Variants in FAT3 observed in about 807,000 individuals in gnomAD.
FAT3 encodes the protein FAT atypical cadherin 3.
FAT3 carries 95 observed loss-of-function variants against 310.2 expected under a neutral mutation model. The ratio of observed to expected loss-of-function variants is 0.31; its 90% CI spans 0.26 to 0.36. The LOEUF is 0.36. Among genes scored for constraint, FAT3 ranks in the 10% least tolerant of loss-of-function variants. FAT3 has a pLI of 1.00. For missense variants in FAT3, 5,408 were observed against 5,715.6 expected (o/e 0.95, Z 1.74); for synonymous variants, 2,314 against 2,192.9 (o/e 1.06, Z -1.54).
At chr11:92,650,020 G>A (rs1942318385) in intron 3 of FAT3, among the ~76,000 whole-genome samples, 1 of 151,324 alleles carries the variant, frequency 6.6e-6, no homozygotes, top group Non-Finnish European at 1.5e-5. Flanking sequence ...GCTAACCTTT[G>A]TATACGGTGA....
chr11:92,347,965 T>TA (rs561170749), intron 1 of FAT3, among the ~76,000 whole-genome samples: 108 of 152,058 alleles, frequency 7.1e-4, no homozygotes, highest in African/African-American at 2.5e-3. Flanking sequence ...ATATTATTTT[T>TA]AAAAAAAACT....
intron 3 of FAT3, among the ~76,000 whole-genome samples, chr11:92,628,418 C>T (rs1037868731): frequency 1.3e-5 from 2 of 152,190 alleles, no homozygotes; most frequent in Non-Finnish European, 2.9e-5. Context: ...TAATATCTTA[C>T]TCCATTCACA....
At chr11:92,570,007 C>G (rs573045107) in intron 3 of FAT3, among the ~76,000 whole-genome samples, 1 of 152,280 alleles carries the variant, frequency 6.6e-6, no homozygotes, top group Non-Finnish European at 1.5e-5. Context: ...TTGTCTCTGA[C>G]AGCAGGGTCT....
intron 4 of FAT3, among the ~76,000 whole-genome samples, chr11:92,709,661 A>G (rs1944461163): frequency 6.6e-6 from 1 of 152,242 alleles, no homozygotes; most frequent in South Asian, 2.1e-4. Context: ...CAGGTAATCC[A>G]TGCTTTGCAG....
intron 4 of FAT3, among the ~76,000 whole-genome samples, chr11:92,707,379 G>A (rs1944387970): frequency 6.6e-6 from 1 of 152,198 alleles, no homozygotes; most frequent in African/African-American, 2.4e-5. Flanking sequence ...ACTCTGCTTT[G>A]TTTTCACTTG....
intron 3 of FAT3, among the ~76,000 whole-genome samples, chr11:92,594,663 G>A (rs1341823461): frequency 3.9e-5 from 6 of 152,140 alleles, no homozygotes; most frequent in Non-Finnish European, 8.8e-5. Flanking sequence ...GCACAATTTA[G>A]TCTCTGAACT....
chr11:92,876,503 A>T (rs962196880), intron 22 of FAT3, among the ~76,000 whole-genome samples: 1 of 152,174 alleles, frequency 6.6e-6, no homozygotes, highest in Non-Finnish European at 1.5e-5. Flanking sequence ...GGCATCAACA[A>T]TGGCCTTTCC....
intron 2 of FAT3, among the ~76,000 whole-genome samples, chr11:92,501,473 A>G (rs1043429710): frequency 6.6e-6 from 1 of 152,084 alleles, no homozygotes; most frequent in Non-Finnish European, 1.5e-5. Context: ...TAGGCTGTCT[A>G]TTAATAGCAA....
chr11:92,757,449 G>C (rs1241865644), intron 4 of FAT3, among the ~76,000 whole-genome samples: 2 of 152,146 alleles, frequency 1.3e-5, no homozygotes, highest in Non-Finnish European at 2.9e-5. Context: ...AAGAAATGAT[G>C]CAGAAGAGGA....
chr11:92,497,944 A>G (rs1351372735), intron 2 of FAT3, among the ~76,000 whole-genome samples: 1 of 152,018 alleles, frequency 6.6e-6, no homozygotes, highest in Non-Finnish European at 1.5e-5. Context: ...TGTTGACTCA[A>G]CAGATATTTA....
chr11:92,507,175 G>T (rs1002288314), intron 2 of FAT3, among the ~76,000 whole-genome samples: 4 of 152,134 alleles, frequency 2.6e-5, no homozygotes, highest in Admixed American at 2.6e-4. Flanking sequence ...ACCAAAAGAA[G>T]ATGAATACAA....
At chr11:92,653,034 C>A (rs1031645708) in intron 3 of FAT3, among the ~76,000 whole-genome samples, 1 of 152,184 alleles carries the variant, frequency 6.6e-6, no homozygotes, top group Admixed American at 6.5e-5. Context: ...TGGCACATGC[C>A]TGTAACCTCA....
chr11:92,530,055 C>G (rs1337292551), intron 3 of FAT3, among the ~76,000 whole-genome samples: 3 of 152,278 alleles, frequency 2.0e-5, no homozygotes, highest in Admixed American at 6.5e-5. Flanking sequence ...CATTTCCTTT[C>G]TCTATTAAAA....
At chr11:92,454,217 A>C (rs1407560873) in intron 2 of FAT3, among the ~76,000 whole-genome samples, 1 of 152,210 alleles carries the variant, frequency 6.6e-6, no homozygotes, top group East Asian at 1.9e-4. Context: ...TGGTAGCCAC[A>C]CATGACTAAT....
chr11:92,841,990 C>T (rs1226443647), intron 18 of FAT3, among the ~76,000 whole-genome samples: 3 of 152,300 alleles, frequency 2.0e-5, no homozygotes, highest in Admixed American at 2.0e-4. Context: ...CAGCAAACTA[C>T]AGCCCTTAGA....
chr11:92,302,273 T>C (rs1396981072), intron 1 of FAT3, among the ~76,000 whole-genome samples: 1 of 152,050 alleles, frequency 6.6e-6, no homozygotes, highest in Non-Finnish European at 1.5e-5. Flanking sequence ...CCGGTGGTTT[T>C]ACATTACAGA....
intron 2 of FAT3, among the ~76,000 whole-genome samples, chr11:92,421,484 A>G (rs1446481690): frequency 1.3e-5 from 2 of 152,112 alleles, no homozygotes; most frequent in African/African-American, 4.8e-5. Context: ...TTATTTTTTC[A>G]GCTTCCCCCT....
chr11:92,460,077 CT>C (rs992020907), intron 2 of FAT3, among the ~76,000 whole-genome samples: 1 of 152,132 alleles, frequency 6.6e-6, no homozygotes, highest in East Asian at 1.9e-4. Context: ...TCTCTGTCTT[CT>C]TTTTTCCTCC....
At chr11:92,489,735 G>A (rs1952545684) in intron 2 of FAT3, among the ~76,000 whole-genome samples, 1 of 152,080 alleles carries the variant, frequency 6.6e-6, no homozygotes, top group Non-Finnish European at 1.5e-5. Flanking sequence ...AGATGAAGAA[G>A]GGTGTATCCA....
Sources: gnomAD v4.1 joint callset for allele counts (sites outside exome capture counted in the v4.1 genomes callset) on GRCh38, gnomAD v4.1.1 for gene constraint, MANE v1.5 for transcripts, NCBI Gene and HGNC (gene_info 2026-07-23, HGNC 2026-07-21) for gene names.